Variants in ARID4B observed in about 807,000 individuals in gnomAD.
ARID4B encodes the protein AT-rich interaction domain 4B.
A neutral mutation model predicts 147.5 loss-of-function variants in ARID4B; 26 were observed. The observed-to-expected ratio is 0.18, with a 90% CI of 0.13 to 0.24. ARID4B has a LOEUF of 0.24. Ranked by LOEUF, ARID4B falls within the 10% of genes least tolerant of loss-of-function variation. The probability of loss-of-function intolerance (pLI) is 1.00; values close to 1 mark genes in which losing one functional copy is unlikely to be tolerated. For missense variants in ARID4B, 1,179 were observed against 1,511.5 expected (o/e 0.78, Z 3.65); for synonymous variants, 512 against 507.9 (o/e 1.01, Z -0.11).
At chr1:235,190,922 T>C (rs566312198) in intron 19 of ARID4B, among the ~76,000 whole-genome samples, 1 of 152,352 alleles carries the variant, frequency 6.6e-6, no homozygotes, top group South Asian at 2.1e-4. Flanking sequence ...AAGAAAGTCA[T>C]ACTGCAGGCT....
At chr1:235,285,880 T>C (rs12751195) in intron 2 of ARID4B, among the ~76,000 whole-genome samples, 44,758 of 152,134 alleles carry the variant, frequency 0.29, 7,704 homozygotes, top group South Asian at 0.53. Flanking sequence ...AGAGTTCTCA[T>C]TCTGAGAGTT....
intron 17 of ARID4B, among the ~76,000 whole-genome samples, chr1:235,202,554 A>AT (rs139745212): frequency 2.3e-4 from 33 of 146,642 alleles, no homozygotes; most frequent in South Asian, 4.3e-4. Context: ...TGAAAAAAAA[A>AT]TTTTTTTTTT....
At chr1:235,222,240 T>C (rs984475859) in intron 13 of ARID4B, among the ~76,000 whole-genome samples, 9 of 152,232 alleles carry the variant, frequency 5.9e-5, no homozygotes, top group African/African-American at 1.4e-4. Flanking sequence ...AACCCAGTTA[T>C]GGAAAATGGA....
intron 2 of ARID4B, among the ~76,000 whole-genome samples, chr1:235,294,480 T>C (rs1183812158): frequency 1.4e-3 from 20 of 14,432 alleles, no homozygotes; most frequent in African/African-American, 4.2e-3. Flanking sequence ...GTTCAAGCAA[T>C]TCTCCCGCTT....
intron 19 of ARID4B, among the ~76,000 whole-genome samples, chr1:235,183,742 T>C (rs866552339): frequency 1.4e-4 from 21 of 150,032 alleles, no homozygotes; most frequent in African/African-American, 4.4e-4. Context: ...TTTTATTTTC[T>C]TTCCCTCCCT....
chr1:235,216,580 T>C (rs901934959), intron 16 of ARID4B, among the ~76,000 whole-genome samples: 1 of 152,062 alleles, frequency 6.6e-6, no homozygotes, highest in African/African-American at 2.4e-5. Context: ...TGACCTCAGG[T>C]GATCCGCCTG....
chr1:235,281,086 AG>A (rs1671644301), intron 2 of ARID4B, among the ~76,000 whole-genome samples: 1 of 148,356 alleles, frequency 6.7e-6, no homozygotes, highest in African/African-American at 2.6e-5. Flanking sequence ...CTTGCCATCA[AG>A]GTGGCTTCTC....
At chr1:235,321,380 CTACT>C (rs916330482) in intron 2 of ARID4B, among the ~76,000 whole-genome samples, 1 of 152,164 alleles carries the variant, frequency 6.6e-6, no homozygotes, top group African/African-American at 2.4e-5. Context: ...TTCATCCTAC[CTACT>C]TACTCTTACA....
rs1454001895 is a variant in ARID4B, at chr1:235,307,055, G to A, written c.6+19859C>T. 2.0e-5 allele frequency among the ~76,000 whole-genome samples: 3 copies of A among 152,170 alleles called. No homozygotes were observed. In the East Asian group the frequency reaches 5.8e-4, roughly 29 times the overall value. ...AACTACAATTGGAAAGCTTTTCAGT[G>A]AGAGAAAGAACTTGTACCTACAAAT... On this transcript the variant is annotated intron_variant, in intron 2 of 23. Transcript: ENST00000264183.
At chr1:235,293,610 T>C (rs1672482769) in intron 2 of ARID4B, among the ~76,000 whole-genome samples, 1 of 151,684 alleles carries the variant, frequency 6.6e-6, no homozygotes, top group Non-Finnish European at 1.5e-5. Flanking sequence ...TTAAGTCAAG[T>C]TTGGATTTAA....
At chr1:235,255,153 T>C (rs1279005307) in intron 5 of ARID4B, among the ~76,000 whole-genome samples, 12 of 151,482 alleles carry the variant, frequency 7.9e-5, no homozygotes, top group African/African-American at 2.9e-4. Context: ...ACCTCATCAG[T>C]AAGAAAAAAT....
In ARID4B at chr1:235,252,817, A is replaced by G. The variant is rs757882500; in HGVS notation, c.275-8T>C. The stretch of plus-strand genomic sequence containing the variant: ...CATCTCCGTCATCAAAAACTATGAG[A>G]GGGGGTAAAAATGGAAGCTACTGAA... On this transcript the variant is annotated splice_polypyrimidine_tract_variant and splice_region_variant and intron_variant, in intron 5 of 23. Transcript: ENST00000264183. The G allele has an allele frequency of 6.2e-6, 10 of 1,606,966 alleles. No homozygotes were observed. The Admixed American group carries it at 8.5e-5, about 14-fold the overall frequency.
At chr1:235,255,949 G>A (rs966375581) in intron 4 of ARID4B, among the ~76,000 whole-genome samples, 199 bp from the exon 5 acceptor site, 3 of 151,972 alleles carry the variant, frequency 2.0e-5, no homozygotes, top group African/African-American at 4.8e-5. Flanking sequence ...TGAGGCAGGT[G>A]GATCACTTGA....
intron 9 of ARID4B, among the ~76,000 whole-genome samples, chr1:235,233,622 A>C (rs1668377446): frequency 6.6e-6 from 1 of 152,218 alleles, no homozygotes; most frequent in Non-Finnish European, 1.5e-5. Flanking sequence ...TCATTTTCTT[A>C]ACACTTACCA....
At chr1:235,228,080 C>T (rs941997827) in intron 11 of ARID4B, among the ~76,000 whole-genome samples, 16 of 151,678 alleles carry the variant, frequency 1.1e-4, no homozygotes, top group African/African-American at 2.4e-4. Flanking sequence ...ATGATCTGCC[C>T]GCCTCGGCCT....
At chr1:235,236,891 A>G (rs1313044283) in intron 8 of ARID4B, among the ~76,000 whole-genome samples, 10 of 14,778 alleles carry the variant, frequency 6.8e-4, no homozygotes, top group African/African-American at 1.8e-3. Context: ...TTTTTTTTTG[A>G]GATAAAAGTC....
chr1:235,281,985 T>A (rs1368517442), intron 2 of ARID4B, among the ~76,000 whole-genome samples: 1 of 152,154 alleles, frequency 6.6e-6, no homozygotes, highest in African/African-American at 2.4e-5. Flanking sequence ...CTATTTTGGG[T>A]AAAATACTAG....
At chr1:235,280,102 T>G (rs112674764) in intron 2 of ARID4B, among the ~76,000 whole-genome samples, 1 of 152,322 alleles carries the variant, frequency 6.6e-6, no homozygotes, top group Non-Finnish European at 1.5e-5. Context: ...GCTGGAAATA[T>G]CCAACACATT....
chr1:235,292,195 G>GA (rs1672385851), intron 2 of ARID4B, among the ~76,000 whole-genome samples: 2 of 152,272 alleles, frequency 1.3e-5, no homozygotes, highest in South Asian at 4.1e-4. Flanking sequence ...TTGTCCCCAA[G>GA]AGTCTGCCTT....
Sources: allele counts gnomAD v4.1 joint callset (sites outside exome capture counted in the v4.1 genomes callset), GRCh38; gene constraint gnomAD v4.1.1; transcripts MANE v1.5; gene names NCBI Gene and HGNC (gene_info 2026-07-23, HGNC 2026-07-21).